The following SYNDIG1 variants were observed in gnomAD, a reference collection of about 807,000 sequenced individuals.
SYNDIG1 encodes synapse differentiation-inducing gene protein 1.
SYNDIG1 carries 9 observed loss-of-function variants against 19.4 expected under a neutral mutation model. That is an observed-to-expected ratio of 0.46 (90% CI 0.28 to 0.81). The LOEUF is 0.81. SYNDIG1 is among the 30% of genes least tolerant of loss of function. The pLI is 0.12. For synonymous variants in SYNDIG1, 141 were observed against 145.9 expected, an observed-to-expected ratio of 0.97 and a Z score of 0.24; for missense variants, 311 against 343.3, an observed-to-expected ratio of 0.91 and a Z score of 0.74.
chr20:24,531,335 C>A (rs558809070), intron 1 of SYNDIG1, among the ~76,000 whole-genome samples: 1 of 152,012 alleles, frequency 6.6e-6, no homozygotes, highest in East Asian at 1.9e-4. Flanking sequence ...ACCAACAGTG[C>A]AGATCTTTAA....
At chr20:24,552,570 T>C (rs1042075783) in intron 2 of SYNDIG1, among the ~76,000 whole-genome samples, 17 of 147,920 alleles carry the variant, frequency 1.1e-4, no homozygotes, top group African/African-American at 4.3e-4. Context: ...TGTTTTTTTT[T>C]GTCCTTGCAA....
intron 2 of SYNDIG1, among the ~76,000 whole-genome samples, chr20:24,573,317 C>T (rs73905113): frequency 0.031 from 4,714 of 152,150 alleles, 170 homozygotes; most frequent in African/African-American, 0.089. Context: ...GGGATGAGCT[C>T]GGTTTTGTTC....
chr20:24,571,474 CAT>C (rs142220253), intron 2 of SYNDIG1, among the ~76,000 whole-genome samples: 6 of 151,202 alleles, frequency 4.0e-5, no homozygotes, highest in South Asian at 2.1e-4. Context: ...TTTCAAAGTG[CAT>C]ATATATATAT....
At chr20:24,486,625 T>C (rs1056728405) in intron 1 of SYNDIG1, among the ~76,000 whole-genome samples, 1 of 151,780 alleles carries the variant, frequency 6.6e-6, no homozygotes. Flanking sequence ...CATTTCTTTT[T>C]TTTCTTTCTT....
rs1247644879 is a variant in SYNDIG1, at chr20:24,658,535, G to A, written c.619-6811G>A. On this transcript the variant is annotated intron_variant, in intron 3 of 3. Coordinates refer to ENST00000376862, the MANE Select transcript of SYNDIG1 (RefSeq NM_024893.3). This position sits in a 1 kb window ranked among gnomAD's most constrained non-coding sequence, Gnocchi z 4.4. ...GTTTCGAGGGGCTTCCCCCTCCCACGGTCACCCCTGTGTCCTTCATCTTGC... is the reference window on the plus strand; with the variant it reads ...GTTTCGAGGGGCTTCCCCCTCCCACAGTCACCCCTGTGTCCTTCATCTTGC... 1.3e-5 allele frequency among the ~76,000 whole-genome samples: 2 copies of A among 151,994 alleles called. No individual in the cohort carries two copies. The highest frequency in any genetic ancestry group is 6.6e-5 in the Admixed American group (1 of 15,262).
chr20:24,610,390 A>G (rs1281660948), intron 3 of SYNDIG1, among the ~76,000 whole-genome samples: 10 of 152,196 alleles, frequency 6.6e-5, no homozygotes, highest in Admixed American at 4.6e-4. Flanking sequence ...TGTCCACGCA[A>G]CGATTCCGGA....
At chr20:24,470,406 A>G (rs2055393217) in intron 1 of SYNDIG1, among the ~76,000 whole-genome samples, 1 of 152,242 alleles carries the variant, frequency 6.6e-6, no homozygotes, top group African/African-American at 2.4e-5. Flanking sequence ...TCCTCTAGCC[A>G]GGACAAGACC....
In SYNDIG1 at chr20:24,548,342, C is replaced by A. The variant is rs182331590; in HGVS notation, c.480+4765C>A. The stretch of plus-strand genomic sequence containing the variant: ...AGTCCAAGGACAAAGCAGGAAGAGA[C>A]GGCACCAGGACTTCACTTCTGTGAA... On this transcript the variant is annotated intron_variant, in intron 2 of 3. Coordinates refer to ENST00000376862, the MANE Select transcript of SYNDIG1 (RefSeq NM_024893.3). Among the ~76,000 whole-genome samples, 19 of 152,328 alleles carry A rather than the reference C, an allele frequency of 1.2e-4. No homozygotes were observed. In the East Asian group the frequency reaches 3.5e-3, roughly 28 times the overall value.
At chr20:24,523,108 G>A (rs1238676659) in intron 1 of SYNDIG1, among the ~76,000 whole-genome samples, 2 of 152,188 alleles carry the variant, frequency 1.3e-5, no homozygotes, top group Non-Finnish European at 2.9e-5. Flanking sequence ...ATGAGAATGA[G>A]TGAGTCCAGC....
intron 3 of SYNDIG1, among the ~76,000 whole-genome samples, chr20:24,587,070 A>C (rs956687397): frequency 6.6e-6 from 1 of 152,220 alleles, no homozygotes; most frequent in Admixed American, 6.5e-5. Flanking sequence ...TACATTAGAT[A>C]GTGAAGAGGA....
chr20:24,655,279 GAAGCCAGAAGAAA>G (rs1209064795), intron 3 of SYNDIG1, among the ~76,000 whole-genome samples: 1 of 152,166 alleles, frequency 6.6e-6, no homozygotes, highest in Non-Finnish European at 1.5e-5. Flanking sequence ...TATAGCAACT[GAAGCCAGAAGAAA>G]AGAGGCATAA....
chr20:24,542,125 T>C (rs1185783895), intron 1 of SYNDIG1, among the ~76,000 whole-genome samples: 1 of 152,176 alleles, frequency 6.6e-6, no homozygotes, highest in East Asian at 1.9e-4. Context: ...TTTGATCCCT[T>C]TCATTCATAC....
intron 1 of SYNDIG1, among the ~76,000 whole-genome samples, chr20:24,514,913 A>T (rs1024537077): frequency 6.6e-6 from 1 of 152,250 alleles, no homozygotes; most frequent in East Asian, 1.9e-4. Context: ...AACAGAAATT[A>T]TAACAAACTG....
chr20:24,578,542 C>T (rs1371373745), intron 2 of SYNDIG1, among the ~76,000 whole-genome samples: 1 of 151,916 alleles, frequency 6.6e-6, no homozygotes, highest in Non-Finnish European at 1.5e-5. Context: ...AAGCCCCTAG[C>T]AGGCTGGGGT....
chr20:24,661,597 A>AGG (rs2059604147), intron 3 of SYNDIG1, among the ~76,000 whole-genome samples: 1 of 107,886 alleles, frequency 9.3e-6, no homozygotes, highest in East Asian at 3.6e-4. Flanking sequence ...TGGGAATAAA[A>AGG]AGTAAGGAAG....
intron 1 of SYNDIG1, among the ~76,000 whole-genome samples, chr20:24,492,127 G>A (rs2056169383): frequency 6.6e-6 from 1 of 152,072 alleles, no homozygotes; most frequent in Non-Finnish European, 1.5e-5. Context: ...TCGCGTCCGT[G>A]TCCACAGTGA....
At chr20:24,560,877 A>AC (rs1001943667) in intron 2 of SYNDIG1, among the ~76,000 whole-genome samples, 7 of 147,574 alleles carry the variant, frequency 4.7e-5, no homozygotes, top group South Asian at 2.1e-4. Context: ...CTAAAAAACA[A>AC]AAAAAAAAAA....
chr20:24,532,353 G>A lies in SYNDIG1; in HGVS notation c.-78-10667G>A, dbSNP rs188030385. Among the ~76,000 whole-genome samples the A allele has an allele frequency of 5.9e-4, 90 of 152,304 alleles. 1 individual carries two copies. In the South Asian group the frequency reaches 8.9e-3, roughly 15 times the overall value. On this transcript the variant is annotated intron_variant, in intron 1 of 3. Transcript: ENST00000376862. ...AAACACATCATGCCAAGTGAAAGAA[G>A]GCAGTCATGAGAGGCCACATAGTGT...
chr20:24,583,353 C>G (rs557442694), intron 2 of SYNDIG1, among the ~76,000 whole-genome samples: 1 of 152,222 alleles, frequency 6.6e-6, no homozygotes, highest in African/African-American at 2.4e-5. Flanking sequence ...GGCCCTGACA[C>G]TGCCATGCAC....
Sources: gnomAD v4.1 joint callset for allele counts (sites outside exome capture counted in the v4.1 genomes callset) on GRCh38, gnomAD v4.1.1 for gene constraint, Gnocchi (gnomAD v3.1) non-coding constraint, MANE v1.5 for transcripts, NCBI Gene and HGNC (gene_info 2026-07-23, HGNC 2026-07-21) for gene names.